Variants in SDHD observed in about 807,000 individuals in gnomAD.
The protein encoded by SDHD is succinate dehydrogenase complex subunit D, also known as succinate dehydrogenase [ubiquinone] cytochrome b small subunit, mitochondrial.
Under a neutral mutation model 18.7 loss-of-function variants are expected in SDHD, and 6 were observed. That is an observed-to-expected ratio of 0.32 (90% CI 0.18 to 0.63). The LOEUF (loss-of-function observed/expected upper bound fraction) is 0.63, where lower values mean the gene tolerates loss of function less well. Ranked by LOEUF, SDHD falls within the 30% of genes least tolerant of loss-of-function variation. The pLI, the probability that SDHD is intolerant of heterozygous loss-of-function variation, is 0.79. For missense variants in SDHD, 160 were observed against 192.7 expected, an observed-to-expected ratio of 0.83 and a Z score of 1.00; for synonymous variants, 56 against 73.9, an observed-to-expected ratio of 0.76 and a Z score of 1.24.
intron 1 of SDHD, among the ~76,000 whole-genome samples, chr11:112,087,199 G>A (rs995872549): frequency 1.3e-5 from 2 of 152,172 alleles, no homozygotes; most frequent in African/African-American, 4.8e-5. Context: ...TCGCAGTCCT[G>A]ATGAGGCTAA....
chr11:112,087,687 C>A (rs973608583), intron 1 of SDHD, among the ~76,000 whole-genome samples, 170 bp from the exon 2 acceptor site: 1 of 152,068 alleles, frequency 6.6e-6, no homozygotes, highest in Non-Finnish European at 1.5e-5. Flanking sequence ...GCAGATGTTC[C>A]CTGGTCTTAA....
chr11:112,092,494 A>G (rs1359653625), intron 3 of SDHD, among the ~76,000 whole-genome samples: 2 of 152,186 alleles, frequency 1.3e-5, no homozygotes, highest in African/African-American at 4.8e-5. Flanking sequence ...TAGATATACA[A>G]ATGGCCAATA....
At position 112,095,056 on chromosome 11, in the gene SDHD, A is replaced by G; in HGVS notation, c.*86A>G. 2.0e-6 allele frequency: 2 copies of G among 1,019,596 alleles called. No individual in the cohort carries two copies. Among genetic ancestry groups the G allele is most frequent in the Non-Finnish European group, 1.5e-6 (1 of 646,170 alleles). The allele number at this position is 1,019,596 out of a possible 1,614,324, so 63.2% of individuals were successfully genotyped here. A position where few individuals can be genotyped will look rare whatever the true frequency, so the allele number is the denominator to read the frequency against. ...CCATTAAGCTCACAATAAGGAAGAA[A>G]TAACAGATAAGTCCATTGGTGGACA... On this transcript the variant is annotated 3_prime_UTR_variant, in exon 4 of 4. Coordinates refer to ENST00000375549, the MANE Select transcript of SDHD (RefSeq NM_003002.4).
At chr11:112,091,086 C>A in intron 3 of SDHD, 1 of 979,742 alleles carries the variant, frequency 1.0e-6, no homozygotes, top group South Asian at 4.7e-5. Context: ...CAGACCTTTC[C>A]AAATAAAAGA....
At chr11:112,088,063 A>AG in intron 2 of SDHD, 90 bp downstream of exon 2, 5 of 908,840 alleles carry the variant, frequency 5.5e-6, no homozygotes, top group Non-Finnish European at 9.2e-6. Flanking sequence ...TCCTACCTGT[A>AG]GGGGGGACTC....
At chr11:112,087,727 T>C (rs1592778453) in intron 1 of SDHD, 130 bp from the exon 2 acceptor site, 1 of 761,890 alleles carries the variant, frequency 1.3e-6, no homozygotes, top group East Asian at 2.4e-5. Flanking sequence ...AAATAGATGC[T>C]ATCTTCATTT....
intron 3 of SDHD, among the ~76,000 whole-genome samples, chr11:112,090,297 G>A (rs1865720545): frequency 6.6e-6 from 1 of 151,124 alleles, no homozygotes; most frequent in Admixed American, 6.6e-5. Context: ...TTTTAGTAGA[G>A]ACGGGGTTTC....
At chr11:112,088,032 G>T in intron 2 of SDHD, 59 bp downstream of exon 2, 1 of 1,185,512 alleles carries the variant, frequency 8.4e-7, no homozygotes, top group South Asian at 1.2e-5. Context: ...CTTCACTAAT[G>T]GTCATGCCTT....
intron 3 of SDHD, 125 bp downstream of exon 3, chr11:112,089,136 ATATAAAATATG>A (rs1865697928): frequency 1.1e-6 from 1 of 919,018 alleles, no homozygotes. Flanking sequence ...TTTAAAATAT[ATATAAAATATG>A]TATATGCCTA....
chr11:112,088,853 G>C lies in SDHD; in HGVS notation c.170-14G>C, dbSNP rs919536825. 1.2e-6 allele frequency: 2 copies of C among 1,612,042 alleles called. No individual in the cohort carries two copies. Among genetic ancestry groups the C allele is most frequent in the Non-Finnish European group, 1.7e-6 (2 of 1,179,826 alleles). On this transcript the variant is annotated splice_polypyrimidine_tract_variant and intron_variant, in intron 2 of 3. Transcript: ENST00000375549. ...TTCTCACATCAACTTTTATGAATCTGGTCCTTTTTGTAGCTGGCTCCAAGG... is the reference window on the plus strand; with the variant it reads ...TTCTCACATCAACTTTTATGAATCTCGTCCTTTTTGTAGCTGGCTCCAAGG...
rs766656463 is a variant in SDHD at position 112,088,967 on chromosome 11, G to A, written c.270G>A (p.Ala90=). 1.2e-5 allele frequency: 19 copies of A among 1,614,122 alleles called. No individual in the cohort carries two copies. In the East Asian group the frequency reaches 2.0e-4, roughly 17 times the overall value. Residue 90 remains alanine, a synonymous_variant, in exon 3 of 4, where the codon GCG becomes GCA. Coordinates refer to ENST00000375549, the MANE Select transcript of SDHD (RefSeq NM_003002.4). ...LPAAYLNPCS[A]MDYSLAAALT... ...CTGCTTATTTGAATCCTTGCTCTGCGATGGACTATTCCCTGGCTGCAGCCC... is the reference window on the plus strand; with the variant it reads ...CTGCTTATTTGAATCCTTGCTCTGCAATGGACTATTCCCTGGCTGCAGCCC...
In SDHD at chr11:112,094,821, G is replaced by A. The variant is rs201869798; in HGVS notation, c.331G>A (p.Val111Ile). 6.9e-5 allele frequency: 111 copies of A among 1,611,796 alleles called. No homozygotes were observed. In the East Asian group the frequency reaches 2.4e-3, roughly 35 times the overall value. ...TTTCTTTAGGGGCCTTGGACAAGTT[G>A]TTACTGACTATGTTCATGGGGATGC... ...LHGHWGLGQV[V>I]TDYVHGDALQ... The change falls in exon 4 of 4, where the codon GTT becomes ATT. Residue 111 changes from valine (V) to isoleucine (I), a missense_variant. Transcript: ENST00000375549.
intron 2 of SDHD, 38 bp downstream of exon 2, chr11:112,088,011 G>A (rs199915360): frequency 2.2e-5 from 31 of 1,402,070 alleles, no homozygotes; most frequent in Non-Finnish European, 2.9e-5. Context: ...CTGGGCTCTA[G>A]CCATCTTTAC....
chr11:112,090,408 G>A (rs755275291), intron 3 of SDHD, among the ~76,000 whole-genome samples: 1 of 152,150 alleles, frequency 6.6e-6, no homozygotes, highest in Non-Finnish European at 1.5e-5. Context: ...ACCATGTCCG[G>A]CCCAGCTTTT....
intron 3 of SDHD, among the ~76,000 whole-genome samples, chr11:112,094,190 G>A (rs1300747047): frequency 2.6e-5 from 4 of 152,030 alleles, no homozygotes; most frequent in Non-Finnish European, 5.9e-5. Context: ...ACAAGGTCAG[G>A]AGTTCGAGAC....
intron 3 of SDHD, among the ~76,000 whole-genome samples, chr11:112,092,813 C>T (rs959119098): frequency 1.3e-5 from 2 of 152,090 alleles, no homozygotes; most frequent in African/African-American, 4.8e-5. Context: ...AAAACTTGTA[C>T]AGGAATGATC....
intron 3 of SDHD, chr11:112,092,962 G>A (rs1369035810): frequency 1.0e-5 from 2 of 190,490 alleles, no homozygotes; most frequent in Non-Finnish European, 2.2e-5. Flanking sequence ...ATTGATAAAT[G>A]CTATGACATG....
At chr11:112,090,501 T>C (rs1865724207) in intron 3 of SDHD, among the ~76,000 whole-genome samples, 1 of 152,192 alleles carries the variant, frequency 6.6e-6, no homozygotes, top group Non-Finnish European at 1.5e-5. Flanking sequence ...TTGGGTTCCT[T>C]GAGTTGTTCT....
intron 2 of SDHD, 130 bp from the exon 3 acceptor site, chr11:112,088,737 C>A: frequency 1.0e-6 from 1 of 1,003,476 alleles, no homozygotes; most frequent in Non-Finnish European, 1.6e-6. Context: ...TGATATTTTA[C>A]TTCCTTTGTA....
Sources: gnomAD v4.1 joint callset for allele counts (sites outside exome capture counted in the v4.1 genomes callset) on GRCh38, gnomAD v4.1.1 for gene constraint, MANE v1.5 for transcripts, NCBI Gene and HGNC (gene_info 2026-07-23, HGNC 2026-07-21) for gene names.